The following LINGO1 variants were observed in gnomAD, a reference collection of about 807,000 sequenced individuals.
The protein encoded by LINGO1 is leucine-rich repeat and immunoglobulin-like domain-containing nogo receptor-interacting protein 1.
A neutral mutation model predicts 37.3 loss-of-function variants in LINGO1; 11 were observed. The ratio of observed to expected loss-of-function variants is 0.29; its 90% CI spans 0.19 to 0.49. The LOEUF is 0.49. LINGO1 is among the 20% of genes least tolerant of loss of function. LINGO1 has a pLI of 0.99. For missense variants in LINGO1, 585 were observed against 878.2 expected (o/e 0.67, Z 4.22); for synonymous variants, 387 against 403.0 (o/e 0.96, Z 0.48).
intron 1 of LINGO1, among the ~76,000 whole-genome samples, chr15:77,744,442 G>C (rs562899925): frequency 6.6e-6 from 1 of 152,262 alleles, no homozygotes; most frequent in Admixed American, 6.5e-5. Flanking sequence ...GCTGAGGTGG[G>C]AGAATCACCT....
Position 77,619,688 on chromosome 15 carries a change from G to A in LINGO1, c.7-3788C>T, listed in dbSNP as rs552498961. 1.2e-4 allele frequency among the ~76,000 whole-genome samples: 17 copies of A among 147,390 alleles called. No individual in the cohort carries two copies. In the South Asian group the frequency reaches 3.4e-3, roughly 29 times the overall value. On this transcript the variant is annotated intron_variant, in intron 1 of 1. Coordinates refer to ENST00000355300, the MANE Select transcript of LINGO1 (RefSeq NM_032808.7). ...GGCAACAGAGCAAGACTCTCCATCT[G>A]TAAAAACAATAAATAAATAAAATAA... is the stretch of plus-strand genomic sequence containing the variant.
intron 1 of LINGO1, among the ~76,000 whole-genome samples, chr15:77,775,918 TC>T (rs985608884): frequency 6.6e-6 from 1 of 151,504 alleles, no homozygotes; most frequent in African/African-American, 2.4e-5. Context: ...TCCGTCAGCA[TC>T]CCCCCCATGC....
At chr15:77,776,538 G>GCAGGAAAGC (rs1481155294) in intron 1 of LINGO1, among the ~76,000 whole-genome samples, 1 of 34,348 alleles carries the variant, frequency 2.9e-5, no homozygotes, top group Admixed American at 3.4e-4. Flanking sequence ...GGGAGGGAGG[G>GCAGGAAAGC]AGGGAGGGAG....
rs1446722454 is a variant in LINGO1, at chr15:77,614,791, G to A, written c.1116C>T (p.Ala372=). 3 of 1,610,264 alleles carry A rather than the reference G, an allele frequency of 1.9e-6. No homozygotes were observed. The highest frequency in any genetic ancestry group is 2.5e-6 in the Non-Finnish European group (3 of 1,178,266). The change falls in exon 2 of 2, where the codon GCC becomes GCT. Residue 372 remains alanine, a synonymous_variant. Coordinates refer to ENST00000355300, the MANE Select transcript of LINGO1 (RefSeq NM_032808.7). Reference sequence around the variant, plus strand: ...ACACCCACAGGAGCCGACAGTCGCAGGCCAGCGGGTTGGAGTCCAGGATGA... The same window carrying A: ...ACACCCACAGGAGCCGACAGTCGCAAGCCAGCGGGTTGGAGTCCAGGATGA... The part of the protein sequence containing the change: ...ETLILDSNPL[A]CDCRLLWVFR...
intron 3 of LINGO1, among the ~76,000 whole-genome samples, chr15:77,666,021 A>G (rs1392107940): frequency 6.6e-6 from 1 of 152,236 alleles, no homozygotes; most frequent in African/African-American, 2.4e-5. Context: ...GGGCTCCCCC[A>G]GGGCACAGCG....
chr15:77,739,146 C>T (rs1054369046), intron 1 of LINGO1, among the ~76,000 whole-genome samples: 3 of 152,256 alleles, frequency 2.0e-5, no homozygotes, highest in Non-Finnish European at 4.4e-5. Context: ...TGAACGCAAC[C>T]GGCGGGGGGC....
At chr15:77,631,682 G>A (rs772452978) in intron 1 of LINGO1, among the ~76,000 whole-genome samples, 7 of 152,242 alleles carry the variant, frequency 4.6e-5, no homozygotes, top group Non-Finnish European at 8.8e-5. Flanking sequence ...GAGGTGAGAA[G>A]CCCGGGCTGA....
chr15:77,644,819 G>A (rs2074588621), intron 3 of LINGO1, among the ~76,000 whole-genome samples: 1 of 152,194 alleles, frequency 6.6e-6, no homozygotes, highest in Non-Finnish European at 1.5e-5. Context: ...CAGCGGCCAG[G>A]CCTGGCCCTG....
chr15:77,819,444 AGCGTGTGCATGT>A (rs561620983), intron 1 of LINGO1: 7 of 151,774 alleles, frequency 4.6e-5, no homozygotes, highest in Non-Finnish European at 8.8e-5. Flanking sequence ...GAGAGCGCGC[AGCGTGTGCATGT>A]GCGTGTGCGC....
intron 3 of LINGO1, among the ~76,000 whole-genome samples, chr15:77,659,653 T>C (rs2074944422): frequency 6.6e-6 from 1 of 152,084 alleles, no homozygotes. Flanking sequence ...GGGTAGTGGA[T>C]GGGGAGAAGC....
chr15:77,742,485 G>C (rs1003773888), intron 1 of LINGO1, among the ~76,000 whole-genome samples: 1 of 152,180 alleles, frequency 6.6e-6, no homozygotes, highest in African/African-American at 2.4e-5. Context: ...GCAGGGTGGG[G>C]ATGACTCACC....
chr15:77,658,147 C>A (rs2074907154), intron 3 of LINGO1, among the ~76,000 whole-genome samples: 1 of 152,188 alleles, frequency 6.6e-6, no homozygotes, highest in Non-Finnish European at 1.5e-5. Context: ...TGTGACACTT[C>A]CCCGTCAGCA....
At chr15:77,672,814 C>T (rs902960941) in intron 3 of LINGO1, among the ~76,000 whole-genome samples, 4 of 152,220 alleles carry the variant, frequency 2.6e-5, no homozygotes, top group African/African-American at 9.6e-5. Context: ...TTCCCTTTGC[C>T]TCTTCCCACA....
intron 3 of LINGO1, among the ~76,000 whole-genome samples, chr15:77,655,707 T>G (rs1331252463): frequency 6.6e-6 from 1 of 152,188 alleles, no homozygotes; most frequent in African/African-American, 2.4e-5. Flanking sequence ...GCCAGGGGTA[T>G]GAAGAGATGG....
rs568772444 is a variant in LINGO1 at position 77,622,025 on chromosome 15, G to A, written c.7-6125C>T. Among the ~76,000 whole-genome samples, 13 of 152,198 alleles carry A rather than the reference G, an allele frequency of 8.5e-5. No individual in the cohort carries two copies. The South Asian group carries it at 2.3e-3, about 27-fold the overall frequency. The stretch of plus-strand genomic sequence containing the variant: ...CCAGGGCAGTTCCTCACGGGGAAAC[G>A]AGGTGGGTGTGCGCGGTCCTCGTCT... On this transcript the variant is annotated intron_variant, in intron 1 of 1. Coordinates refer to ENST00000355300, the MANE Select transcript of LINGO1 (RefSeq NM_032808.7).
chr15:77,773,967 G>C (rs927171854), intron 1 of LINGO1, among the ~76,000 whole-genome samples: 5 of 152,098 alleles, frequency 3.3e-5, no homozygotes, highest in African/African-American at 1.2e-4. Context: ...GGGCTCCAAA[G>C]GGGACACTGG....
chr15:77,683,227 A>G (rs1000133949), intron 2 of LINGO1, among the ~76,000 whole-genome samples: 3 of 152,164 alleles, frequency 2.0e-5, no homozygotes, highest in South Asian at 2.1e-4. Flanking sequence ...AGAATGTTCA[A>G]TGTGGAGGAT....
intron 2 of LINGO1, among the ~76,000 whole-genome samples, chr15:77,725,372 A>G (rs997219569): frequency 6.6e-6 from 1 of 152,204 alleles, no homozygotes; most frequent in African/African-American, 2.4e-5. Flanking sequence ...CCTGGGAAAC[A>G]TATCGAGACC....
upstream of LINGO1, among the ~76,000 whole-genome samples, chr15:77,634,713 C>T (rs1477358725): frequency 6.6e-6 from 1 of 152,132 alleles, no homozygotes; most frequent in Non-Finnish European, 1.5e-5. Context: ...AGGCGACTCC[C>T]CGGTCCCTCA....
Sources: gnomAD v4.1 joint callset for allele counts (sites outside exome capture counted in the v4.1 genomes callset) on GRCh38, gnomAD v4.1.1 for gene constraint, MANE v1.5 for transcripts, NCBI Gene and HGNC (gene_info 2026-07-23, HGNC 2026-07-21) for gene names.